The following CDH2 variants were observed in gnomAD, a reference collection of about 807,000 sequenced individuals.
CDH2 encodes cadherin 2.
A neutral mutation model predicts 92.0 loss-of-function variants in CDH2; 17 were observed. The ratio of observed to expected loss-of-function variants is 0.18; its 90% CI spans 0.13 to 0.28. The LOEUF (loss-of-function observed/expected upper bound fraction) is 0.28, where lower values mean the gene tolerates loss of function less well. CDH2 is among the 10% of genes least tolerant of loss of function. CDH2 has a pLI of 1.00. For synonymous variants in CDH2, 419 were observed against 415.9 expected (o/e 1.01, Z -0.09); for missense variants, 862 against 1,133.1 (o/e 0.76, Z 3.44).
chr18:28,114,715 G>A (rs2015467313), intron 2 of CDH2, among the ~76,000 whole-genome samples: 1 of 151,930 alleles, frequency 6.6e-6, no homozygotes, highest in African/African-American at 2.4e-5. Context: ...AAATACTTAA[G>A]TTACTAAGTC....
chr18:28,142,556 A>AT (rs1480023081), intron 2 of CDH2, among the ~76,000 whole-genome samples: 1 of 149,892 alleles, frequency 6.7e-6, no homozygotes, highest in African/African-American at 2.5e-5. Flanking sequence ...ATATTCAATT[A>AT]TTTTTTAAAA....
intron 2 of CDH2, among the ~76,000 whole-genome samples, chr18:28,022,990 A>G (rs1435623885): frequency 6.6e-6 from 1 of 152,148 alleles, no homozygotes; most frequent in African/African-American, 2.4e-5. Flanking sequence ...ATCTAAAGAG[A>G]GTAATATTTA....
chr18:28,096,592 A>T (rs1038891362), intron 2 of CDH2, among the ~76,000 whole-genome samples: 1 of 152,218 alleles, frequency 6.6e-6, no homozygotes, highest in African/African-American at 2.4e-5. Context: ...AAAAGCTATA[A>T]GCATTAAGTT....
chr18:27,963,298 G>C, intron 15 of CDH2, 59 bp downstream of exon 15: 1 of 1,523,092 alleles, frequency 6.6e-7, no homozygotes, highest in East Asian at 2.3e-5. Context: ...GGCCTACAGA[G>C]ATCTAACCAT....
At chr18:28,137,379 G>A (rs2144308144) in intron 2 of CDH2, among the ~76,000 whole-genome samples, 1 of 152,104 alleles carries the variant, frequency 6.6e-6, no homozygotes, top group East Asian at 1.9e-4. Context: ...TTTAATGACA[G>A]GAAAGCATCC....
intron 2 of CDH2, among the ~76,000 whole-genome samples, chr18:28,107,932 T>C (rs191826469): frequency 4.6e-4 from 70 of 152,326 alleles, no homozygotes; most frequent in Admixed American, 3.4e-3. Context: ...CACAGTTTCC[T>C]CCAGTATCCT....
At chr18:28,024,309 G>A (rs1457772207) in intron 2 of CDH2, among the ~76,000 whole-genome samples, 1 of 151,806 alleles carries the variant, frequency 6.6e-6, no homozygotes, top group African/African-American at 2.4e-5. Flanking sequence ...ATGCTCAGAG[G>A]TTTTCAGCAT....
At chr18:28,073,766 T>C (rs1475149126) in intron 2 of CDH2, among the ~76,000 whole-genome samples, 1 of 152,192 alleles carries the variant, frequency 6.6e-6, no homozygotes. Flanking sequence ...ATATCTGTGT[T>C]CAAAATCAGT....
intron 2 of CDH2, among the ~76,000 whole-genome samples, chr18:28,130,890 G>A (rs1381953065): frequency 2.0e-5 from 3 of 152,288 alleles, no homozygotes; most frequent in East Asian, 1.9e-4. Context: ...AAGTTTTGAT[G>A]AGGTACCCTT....
In CDH2 at chr18:28,028,766, C is replaced by T. The variant is rs1317279564; in HGVS notation, c.173-14857G>A. ...ATTTAACAAAAGAAATATCCAAACC[C>T]CATTATTTCTAAAGGCTACTTACAT... On this transcript the variant is annotated intron_variant, in intron 2 of 15. Coordinates refer to ENST00000269141, the MANE Select transcript of CDH2 (RefSeq NM_001792.5). 2.0e-5 allele frequency among the ~76,000 whole-genome samples: 3 copies of T among 152,036 alleles called. 1 individual carries two copies. The highest frequency in any genetic ancestry group is 4.4e-5 in the Non-Finnish European group (3 of 67,976).
chr18:28,001,771 T>C (rs1327030925), intron 7 of CDH2, among the ~76,000 whole-genome samples: 1 of 152,262 alleles, frequency 6.6e-6, no homozygotes, highest in Non-Finnish European at 1.5e-5. Context: ...TATTGGCTCA[T>C]ATTACTTTAT....
intron 6 of CDH2, among the ~76,000 whole-genome samples, chr18:27,941,075 G>A (rs1161891539): frequency 2.9e-5 from 4 of 135,640 alleles, no homozygotes; most frequent in South Asian, 2.4e-4. Flanking sequence ...TCGCTCTGTC[G>A]CCCAGGCTGG....
chr18:28,159,717 C>T lies in CDH2; in HGVS notation c.61-11933G>A, dbSNP rs893415482. Among the ~76,000 whole-genome samples the T allele has an allele frequency of 6.7e-5, 10 of 148,602 alleles. No individual in the cohort carries two copies. In the East Asian group the frequency reaches 1.6e-3, roughly 24 times the overall value. On this transcript the variant is annotated intron_variant, in intron 1 of 15. Transcript: ENST00000269141. Reference sequence around the variant, plus strand: ...TGTCACCCAGGCTGGAGTGCAGTGGCGTAATCTCAGCTCACTGCAACCTTT... The same window carrying T: ...TGTCACCCAGGCTGGAGTGCAGTGGTGTAATCTCAGCTCACTGCAACCTTT...
intron 15 of CDH2, among the ~76,000 whole-genome samples, chr18:27,962,019 T>G (rs1377180854): frequency 6.6e-6 from 1 of 152,166 alleles, no homozygotes; most frequent in Non-Finnish European, 1.5e-5. Flanking sequence ...TAACTTGAAT[T>G]GACAACCATC....
chr18:28,002,738 A>G, intron 7 of CDH2, among the ~76,000 whole-genome samples: 1 of 152,340 alleles, frequency 6.6e-6, no homozygotes, highest in East Asian at 1.9e-4. Flanking sequence ...AATTTTAAAA[A>G]TTAGATACCA....
intron 2 of CDH2, among the ~76,000 whole-genome samples, chr18:28,094,351 G>C (rs559659167): frequency 6.6e-6 from 1 of 152,100 alleles, no homozygotes; most frequent in South Asian, 2.1e-4. Context: ...AGCCAGGCAT[G>C]GTGGTGCAAG....
At chr18:28,139,003 G>A (rs1319904026) in intron 2 of CDH2, among the ~76,000 whole-genome samples, 2 of 151,990 alleles carry the variant, frequency 1.3e-5, no homozygotes, top group Non-Finnish European at 2.9e-5. Context: ...CAATGAAAAT[G>A]CTGTTTACAT....
chr18:28,146,908 G>T (rs1009252214), intron 2 of CDH2, among the ~76,000 whole-genome samples: 1 of 152,026 alleles, frequency 6.6e-6, no homozygotes, highest in African/African-American at 2.4e-5. Context: ...GACATTTTGC[G>T]TAATAATAAA....
chr18:28,133,692 GC>G (rs2015813444), intron 2 of CDH2, among the ~76,000 whole-genome samples: 1 of 150,632 alleles, frequency 6.6e-6, no homozygotes, highest in Non-Finnish European at 1.5e-5. Flanking sequence ...AGTTTTTGTT[GC>G]TTTCTAGTGC....
Sources: gnomAD v4.1 joint callset for allele counts (sites outside exome capture counted in the v4.1 genomes callset) on GRCh38, gnomAD v4.1.1 for gene constraint, MANE v1.5 for transcripts, NCBI Gene and HGNC (gene_info 2026-07-23, HGNC 2026-07-21) for gene names.